ZNF654: variants seen among roughly 807,000 people sequenced by gnomAD.
ZNF654 encodes zinc finger protein 654.
ZNF654 carries 19 observed loss-of-function variants against 95.3 expected under a neutral mutation model. The observed-to-expected ratio is 0.20, with a 90% CI of 0.14 to 0.29. The LOEUF is 0.29. Ranked by LOEUF, ZNF654 falls within the 10% of genes least tolerant of loss-of-function variation. The pLI, the probability that ZNF654 is intolerant of heterozygous loss-of-function variation, is 1.00. For synonymous variants in ZNF654, 413 were observed against 457.9 expected (o/e 0.90, Z 1.25); for missense variants, 1,046 against 1,341.0 (o/e 0.78, Z 3.44).
intron 3 of ZNF654, among the ~76,000 whole-genome samples, chr3:88,122,526 C>T (rs916624000): frequency 6.6e-6 from 1 of 152,056 alleles, no homozygotes; most frequent in Non-Finnish European, 1.5e-5. Context: ...GAAATGTATT[C>T]TGAAAGAAGT....
chr3:88,062,521 G>C (rs1486965452), intron 1 of ZNF654, among the ~76,000 whole-genome samples: 3 of 152,154 alleles, frequency 2.0e-5, no homozygotes, highest in African/African-American at 7.2e-5. Flanking sequence ...GACTGTTATT[G>C]TCTGACTTGT....
chr3:88,125,426 A>T (rs1186990240), intron 3 of ZNF654, among the ~76,000 whole-genome samples: 1 of 152,192 alleles, frequency 6.6e-6, no homozygotes. Context: ...AAACATTTCA[A>T]ATATCTTTTT....
chr3:88,116,804 C>T (rs1304923130), intron 3 of ZNF654, among the ~76,000 whole-genome samples: 1 of 152,054 alleles, frequency 6.6e-6, no homozygotes, highest in African/African-American at 2.4e-5. Context: ...CCATGATCTA[C>T]TAAATTAAAC....
chr3:88,110,990 A>G (rs1276140987), intron 2 of ZNF654, among the ~76,000 whole-genome samples: 1 of 152,090 alleles, frequency 6.6e-6, no homozygotes, highest in Non-Finnish European at 1.5e-5. Context: ...GCACACTACC[A>G]TCTGTGCTTT....
At chr3:88,111,783 C>T (rs1356258731) in intron 2 of ZNF654, among the ~76,000 whole-genome samples, 3 of 151,888 alleles carry the variant, frequency 2.0e-5, no homozygotes, top group Non-Finnish European at 4.4e-5. Flanking sequence ...ACATTCCCTC[C>T]AACAAGATTA....
At chr3:88,103,635 CAA>C (rs1213684261) in intron 2 of ZNF654, among the ~76,000 whole-genome samples, 6 of 150,490 alleles carry the variant, frequency 4.0e-5, no homozygotes, top group African/African-American at 9.8e-5. Flanking sequence ...GTGAAAGTAA[CAA>C]GAGAAAAAAA....
chr3:88,064,795 G>A (rs1438016301), intron 1 of ZNF654, among the ~76,000 whole-genome samples: 1 of 152,132 alleles, frequency 6.6e-6, no homozygotes, highest in African/African-American at 2.4e-5. Flanking sequence ...TTTTCAAGTA[G>A]GATCAGACGT....
rs568403523 is a variant in ZNF654, at chr3:88,143,388, C to A, written c.*1736C>A. 3.3e-5 allele frequency: 5 copies of A among 152,134 alleles called. No homozygotes were observed. Among genetic ancestry groups the A allele is most frequent in the African/African-American group, 4.8e-5 (2 of 41,386 alleles). The allele number at this position is 152,134 out of a possible 1,614,324, so 9.4% of individuals were successfully genotyped here. On this transcript the variant is annotated 3_prime_UTR_variant, in exon 9 of 9. Transcript: ENST00000636215. ...ACTAAACACAGCTCATAATTAAAAT[C>A]TTTTCTTTAAGGTCAGCTAAAAAAA... is the stretch of plus-strand genomic sequence containing the variant.
chr3:88,094,069 T>C (rs1477413918), intron 2 of ZNF654, among the ~76,000 whole-genome samples: 1 of 151,934 alleles, frequency 6.6e-6, no homozygotes, highest in Non-Finnish European at 1.5e-5. Flanking sequence ...TCTAGCGTTC[T>C]ATTTCTTTGT....
rs1000198310 is a variant in ZNF654, at chr3:88,143,149, C to G, written c.*1497C>G. 1.3e-5 allele frequency: 2 copies of G among 152,160 alleles called. No individual in the cohort carries two copies. Among genetic ancestry groups the G allele is most frequent in the South Asian group, 2.1e-4 (1 of 4,834 alleles). 9.4% of individuals were successfully genotyped at this position (152,160 alleles called of 1,614,324 possible). ...TAGAGCTTCTTGAATGAGGCTATTA[C>G]GGAAGTGGGGAATTTCTTCCAGGTA... On this transcript the variant is annotated 3_prime_UTR_variant, in exon 9 of 9. Transcript: ENST00000636215.
intron 1 of ZNF654, among the ~76,000 whole-genome samples, chr3:88,069,867 A>T (rs746373152): frequency 6.6e-6 from 1 of 152,166 alleles, no homozygotes; most frequent in Non-Finnish European, 1.5e-5. Flanking sequence ...TGTGTTTTAA[A>T]TGTTTATCCT....
chr3:88,143,415 T>C lies in ZNF654; in HGVS notation c.*1763T>C, dbSNP rs1030243094. 2 of 152,252 alleles carry C rather than the reference T, an allele frequency of 1.3e-5. No individual in the cohort carries two copies. The highest frequency in any genetic ancestry group is 4.8e-5 in the African/African-American group (2 of 41,446). The allele number at this position is 152,252 out of a possible 1,614,324, so 9.4% of individuals were successfully genotyped here. Reference sequence around the variant, plus strand: ...TTTCTTTAAGGTCAGCTAAAAAAAATGTTTCCTGTATTTCTTGATACTAAA... The same window carrying C: ...TTTCTTTAAGGTCAGCTAAAAAAAACGTTTCCTGTATTTCTTGATACTAAA... On this transcript the variant is annotated 3_prime_UTR_variant, in exon 9 of 9. Transcript: ENST00000636215.
intron 2 of ZNF654, among the ~76,000 whole-genome samples, chr3:88,105,999 T>C (rs1286694818): frequency 1.3e-5 from 2 of 152,178 alleles, no homozygotes; most frequent in Non-Finnish European, 2.9e-5. Context: ...GATCTAGCCT[T>C]CTTCCTCTCC....
intron 4 of ZNF654, among the ~76,000 whole-genome samples, chr3:88,126,579 CT>C (rs144091813): frequency 0.34 from 27,644 of 81,752 alleles, 3,475 homozygotes; most frequent in Non-Finnish European, 0.37. Context: ...GTAGAAACAT[CT>C]TTTTTTTTTT....
chr3:88,095,323 T>A, intron 2 of ZNF654: 1 of 253,204 alleles, frequency 3.9e-6, no homozygotes, highest in Non-Finnish European at 7.6e-6. Flanking sequence ...AGGATATGTT[T>A]AGGATAGAAA....
intron 1 of ZNF654, among the ~76,000 whole-genome samples, chr3:88,075,315 G>C (rs1285052163): frequency 6.6e-6 from 1 of 152,122 alleles, no homozygotes; most frequent in Non-Finnish European, 1.5e-5. Context: ...TTCTGCTCTT[G>C]CATCTGTATT....
Position 88,138,919 on chromosome 3 carries a change from G to A in ZNF654, c.1250G>A (p.Arg417His), listed in dbSNP as rs958401685. Residue 417 changes from arginine to histidine, a missense_variant, in exon 8 of 9, where the codon CGT becomes CAT. By Grantham distance (29) the Arg-to-His change is conservative. This residue lies in a region of ZNF654 where 78 missense variants were observed against 154.2 expected (regional missense o/e 0.51). Coordinates refer to ENST00000636215, the MANE Select transcript of ZNF654 (RefSeq NM_001350134.2). ...AYRTVEELYK[R>H]PDEEYNEGTS... ...CGTACTGTTGAAGAGCTTTACAAACGTCCAGATGAAGAATATAATGAAGGC... is the reference window on the plus strand; with the variant it reads ...CGTACTGTTGAAGAGCTTTACAAACATCCAGATGAAGAATATAATGAAGGC... The A allele has an allele frequency of 4.0e-5, 49 of 1,235,178 alleles. No homozygotes were observed. In the Admixed American group the frequency reaches 1.5e-3, roughly 37 times the overall value. 76.5% of individuals were successfully genotyped at this position (1,235,178 alleles called of 1,614,324 possible).
chr3:88,113,695 C>A (rs1475866789), intron 3 of ZNF654, among the ~76,000 whole-genome samples: 4 of 152,090 alleles, frequency 2.6e-5, no homozygotes, highest in Admixed American at 6.6e-5. Flanking sequence ...GACATTTGAT[C>A]TTTTTACTAC....
At chr3:88,087,160 C>T (rs371931982) in intron 2 of ZNF654, among the ~76,000 whole-genome samples, 22 of 152,150 alleles carry the variant, frequency 1.4e-4, no homozygotes, top group African/African-American at 4.6e-4. Flanking sequence ...TTCACCGCAA[C>T]CTCTACCTCC....
Sources: gnomAD v4.1 joint callset for allele counts (sites outside exome capture counted in the v4.1 genomes callset) on GRCh38, gnomAD v4.1.1 for gene constraint, gnomAD v4.1.1 regional missense constraint, MANE v1.5 for transcripts, NCBI Gene and HGNC (gene_info 2026-07-23, HGNC 2026-07-21) for gene names.